The following BCORL1 variants were observed in gnomAD, a reference collection of about 807,000 sequenced individuals.
BCORL1 encodes the protein BCL6 corepressor like 1, also known as BCL-6 corepressor-like protein 1.
BCORL1 carries 7 observed loss-of-function variants against 87.6 expected under a neutral mutation model. That is an observed-to-expected ratio of 0.08 (90% CI 0.05 to 0.15). The LOEUF (loss-of-function observed/expected upper bound fraction) is 0.15, where lower values mean the gene tolerates loss of function less well. BCORL1 is among the 10% of genes least tolerant of loss of function. The pLI is 1.00. For missense variants in BCORL1, 1,215 were observed against 1,499.7 expected (o/e 0.81, Z 3.13); for synonymous variants, 591 against 634.4 (o/e 0.93, Z 1.03).
intron 11 of BCORL1, among the ~76,000 whole-genome samples, chrX:130,048,124 C>T: frequency 8.9e-6 from 1 of 112,260 alleles, no homozygotes; most frequent in Non-Finnish European, 1.9e-5. Context: ...CCTTTTCCTA[C>T]TGGGGGAAAC....
At chrX:130,002,782 AAG>A (rs1928163386) in intron 1 of BCORL1, among the ~76,000 whole-genome samples, 1 of 100,755 alleles carries the variant, frequency 9.9e-6, no homozygotes, top group South Asian at 5.2e-4. Context: ...AGGAAGAGTA[AAG>A]AGAGAGAGAT....
rs1008849135 is a variant in BCORL1 at position 130,015,382 on chromosome X, T to C, written c.2610T>C (p.Ser870=). The change falls in exon 4 of 14, where the codon TCT becomes TCC. Residue 870 remains serine (S), a synonymous_variant. Coordinates refer to ENST00000540052, the MANE Select transcript of BCORL1 (RefSeq NM_001379451.1). ...CCACCAGCGTTGTTTCGGAGTTTTC[T>C]GGTGTGCCATCTCTCAGCTCCAGCG... ...IRPTSVVSEF[S]GVPSLSSSEA... is the part of the protein sequence containing the mutation. 2.5e-6 allele frequency: 3 copies of C among 1,210,869 alleles called. No homozygotes were observed. The highest frequency in any genetic ancestry group is 1.7e-5 in the African/African-American group (1 of 57,477).
intron 12 of BCORL1, 90 bp from the exon 13 acceptor site, chrX:130,051,770 C>T (rs1243685252): frequency 1.1e-6 from 1 of 921,214 alleles, no homozygotes; most frequent in Admixed American, 3.4e-5. Flanking sequence ...ACCACCACCC[C>T]TCCATGCCCC....
At chrX:129,981,284 C>T (rs1477462218), upstream of BCORL1, 1 of 111,032 alleles carries the variant, frequency 9.0e-6, no homozygotes, top group Non-Finnish European at 1.9e-5. Flanking sequence ...TTTTACTCTC[C>T]AGCACTCCCA....
At chrX:129,983,055 G>A (rs1926253187) in intron 1 of BCORL1, among the ~76,000 whole-genome samples, 1 of 109,524 alleles carries the variant, frequency 9.1e-6, no homozygotes, top group South Asian at 4.0e-4. Flanking sequence ...TCCTCTTCGT[G>A]TCCCCGGACG....
At chrX:130,045,085 T>C (rs1931663684) in intron 11 of BCORL1, among the ~76,000 whole-genome samples, 1 of 112,025 alleles carries the variant, frequency 8.9e-6, no homozygotes, top group Admixed American at 9.4e-5. Context: ...TTCTACCTCA[T>C]GCTTGGGCTT....
intron 1 of BCORL1, among the ~76,000 whole-genome samples, chrX:129,984,130 CGGCGGGCGGCGGGGCGGGGCCG>C (rs1926379098): frequency 5.3e-5 from 1 of 19,022 alleles, no homozygotes; most frequent in East Asian, 1.9e-3. Context: ...CGTGGGGCTC[CGGCGGGCGGCGGGGCGGGGCCG>C]GGGGCGGCGC....
At chrX:130,035,608 C>T (rs1401018877) in intron 9 of BCORL1, among the ~76,000 whole-genome samples, 1 of 112,213 alleles carries the variant, frequency 8.9e-6, no homozygotes, top group Non-Finnish European at 1.9e-5. Context: ...GGGGAGCTGA[C>T]GTGACAGTGT....
rs1057521222 is a variant in BCORL1, at chrX:130,055,925, G to A, written c.5147G>A (p.Arg1716Gln). 3.3e-6 allele frequency: 4 copies of A among 1,211,967 alleles called. No homozygotes were observed. The highest frequency in any genetic ancestry group is 1.8e-5 in the South Asian group (1 of 56,997). Residue 1716 changes from arginine to glutamine, a missense_variant, in exon 14 of 14, where the codon CGG becomes CAG. Transcript: ENST00000540052. The stretch of plus-strand genomic sequence containing the variant: ...CTTTCCTCGAGGATCTTTCAGGCCC[G>A]GTTCCCGCACTTTGAAATCACCACC... ...LKLSSRIFQA[R>Q]FPHFEITTMP...
chrX:130,013,469 C>T lies in BCORL1; in HGVS notation c.697C>T (p.His233Tyr). 1.7e-6 allele frequency: 2 copies of T among 1,211,115 alleles called. No homozygotes were observed. The highest frequency in any genetic ancestry group is 1.7e-5 in the African/African-American group (1 of 57,709). Residue 233 changes from histidine to tyrosine, a missense_variant, in exon 4 of 14, where the codon CAT becomes TAT. This residue lies in a region of BCORL1 where 861 missense variants were observed against 1,010.0 expected (regional missense o/e 0.85). Transcript: ENST00000540052. ...VPLSVPAPVP[H>Y]SGLVPVQVAT... ...CCTCTCCGTCCCTGCCCCAGTCCCC[C>T]ATTCAGGGCTTGTTCCAGTCCAAGT... is the stretch of plus-strand genomic sequence containing the variant.
At chrX:130,037,065 G>A (rs1196424656) in intron 9 of BCORL1, among the ~76,000 whole-genome samples, 1 of 111,220 alleles carries the variant, frequency 9.0e-6, no homozygotes, top group East Asian at 2.8e-4. Context: ...AGAATCGCTT[G>A]AACCTGGGAG....
At chrX:130,018,901 G>A (rs1226018512) in intron 4 of BCORL1, among the ~76,000 whole-genome samples, 1 of 112,091 alleles carries the variant, frequency 8.9e-6, no homozygotes, top group Non-Finnish European at 1.9e-5. Flanking sequence ...ACTAAGATCA[G>A]GGGTTTGTTT....
At chrX:130,050,841 A>C in intron 12 of BCORL1, 47 bp downstream of exon 12, 1 of 1,082,421 alleles carries the variant, frequency 9.2e-7, no homozygotes, top group Non-Finnish European at 1.3e-6. Context: ...CAAGGACAGG[A>C]GTAGCCCTGT....
intron 10 of BCORL1, among the ~76,000 whole-genome samples, chrX:130,038,270 C>T (rs1486428249): frequency 2.7e-5 from 3 of 111,837 alleles, no homozygotes; most frequent in African/African-American, 9.8e-5. Flanking sequence ...GAAAAATACA[C>T]CTGCTGTGTC....
At chrX:129,995,060 C>A (rs761264048) in intron 1 of BCORL1, among the ~76,000 whole-genome samples, 22 of 110,193 alleles carry the variant, frequency 2.0e-4, no homozygotes, top group African/African-American at 6.9e-4. Context: ...GGCTAGACTG[C>A]AGTGGCATGA....
chrX:129,984,912 G>A (rs1349134542), intron 1 of BCORL1, among the ~76,000 whole-genome samples: 1 of 111,799 alleles, frequency 8.9e-6, no homozygotes, highest in Admixed American at 9.5e-5. Context: ...GTCTCCTGGA[G>A]TAGACAGTAA....
chrX:130,012,523 G>A (rs1929048502), intron 2 of BCORL1, 55 bp from the exon 3 acceptor site: 1 of 1,070,978 alleles, frequency 9.3e-7, no homozygotes, highest in South Asian at 1.9e-5. Context: ...GGAAGGTGGT[G>A]TTGGCTCAAA....
intron 1 of BCORL1, among the ~76,000 whole-genome samples, chrX:130,000,854 A>G (rs1343127615): frequency 9.1e-6 from 1 of 109,740 alleles, no homozygotes; most frequent in African/African-American, 3.3e-5. Context: ...TTTTCATTGG[A>G]GTACAAAGGT....
intron 11 of BCORL1, among the ~76,000 whole-genome samples, chrX:130,049,019 A>G (rs1223758117): frequency 8.9e-6 from 1 of 112,214 alleles, no homozygotes; most frequent in Non-Finnish European, 1.9e-5. Flanking sequence ...GATATACCAC[A>G]TTTTTGTCTG....
Sources: allele counts gnomAD v4.1 joint callset (sites outside exome capture counted in the v4.1 genomes callset), GRCh38; gene constraint gnomAD v4.1.1; regional missense constraint gnomAD v4.1.1; transcripts MANE v1.5; gene names NCBI Gene and HGNC (gene_info 2026-07-23, HGNC 2026-07-21).